THSD7A: variants seen among roughly 807,000 people sequenced by gnomAD.
The protein encoded by THSD7A is thrombospondin type 1 domain containing 7A, also known as thrombospondin type-1 domain-containing protein 7A.
Under a neutral mutation model 231.3 loss-of-function variants are expected in THSD7A, and 96 were observed. That is an observed-to-expected ratio of 0.41 (90% confidence interval 0.35 to 0.49). THSD7A has a LOEUF of 0.49. Among genes scored for constraint, THSD7A ranks in the 20% least tolerant of loss-of-function variants. THSD7A has a pLI of 0.05. For missense variants in THSD7A, 2,290 were observed against 2,070.2 expected, an observed-to-expected ratio of 1.11 and a Z score of -2.06; for synonymous variants, 940 against 743.3, an observed-to-expected ratio of 1.26 and a Z score of -4.30.
At chr7:11,829,820 G>T (rs1429785897) in intron 1 of THSD7A, among the ~76,000 whole-genome samples, 4 of 149,466 alleles carry the variant, frequency 2.7e-5, no homozygotes, top group African/African-American at 7.4e-5. Context: ...AAAAAATAAA[G>T]AAGTCATTAT....
At chr7:11,627,455 T>C (rs1781510641) in intron 2 of THSD7A, among the ~76,000 whole-genome samples, 2 of 152,110 alleles carry the variant, frequency 1.3e-5, no homozygotes, top group Non-Finnish European at 2.9e-5. Flanking sequence ...CCTTTCATAA[T>C]ATAACACACA....
chr7:11,782,649 A>G (rs1378201757), intron 1 of THSD7A, among the ~76,000 whole-genome samples: 1 of 152,178 alleles, frequency 6.6e-6, no homozygotes, highest in South Asian at 2.1e-4. Flanking sequence ...AAACTGTTTT[A>G]ATATTACCTT....
rs75028730 is a variant in THSD7A, at chr7:11,541,573, G to A, written c.1668C>T (p.Thr556=). 1.1e-5 allele frequency: 18 copies of A among 1,613,940 alleles called. No individual in the cohort carries two copies. Among genetic ancestry groups the A allele is most frequent in the East Asian group, 6.7e-5 (3 of 44,872 alleles). ...CTTCCAGTAAGTGAGGGCAGTTTCC[G>A]GTTACCCCAGAGCCTCCAGTGGGCT... is the stretch of plus-strand genomic sequence containing the variant. ...TNEPTGGSGV[T]GNCPHLLEAI... The change falls in exon 6 of 28, where the codon ACC becomes ACT. Residue 556 remains threonine, a synonymous_variant. Coordinates refer to ENST00000423059, the MANE Select transcript of THSD7A (RefSeq NM_015204.3).
intron 1 of THSD7A, among the ~76,000 whole-genome samples, chr7:11,694,140 C>T (rs1780317935): frequency 6.6e-6 from 1 of 151,520 alleles, no homozygotes; most frequent in Non-Finnish European, 1.5e-5. Flanking sequence ...CCCAGAGTCT[C>T]ATTTTGTTGC....
rs572687138 is a variant in THSD7A at position 11,683,227 on chromosome 7, A to C, written c.191-46266T>G. 3.9e-5 allele frequency among the ~76,000 whole-genome samples: 6 copies of C among 152,150 alleles called. 1 individual carries two copies. Among genetic ancestry groups the C allele is most frequent in the African/African-American group, 1.4e-4 (6 of 41,556 alleles). Reference sequence around the variant, plus strand: ...GAGCTCTTAAAAACCACACAAATACATGGAAACGAAACAACTTGCTCCTAA... The same window carrying C: ...GAGCTCTTAAAAACCACACAAATACCTGGAAACGAAACAACTTGCTCCTAA... On this transcript the variant is annotated intron_variant, in intron 1 of 27. Coordinates refer to ENST00000423059, the MANE Select transcript of THSD7A (RefSeq NM_015204.3).
At chr7:11,568,637 A>C (rs1281758692) in intron 4 of THSD7A, among the ~76,000 whole-genome samples, 1 of 145,266 alleles carries the variant, frequency 6.9e-6, no homozygotes, top group Non-Finnish European at 1.5e-5. Context: ...AAAAAAAAAA[A>C]AAAAAAAAAA....
Position 11,808,649 on chromosome 7 carries a change from T to C in THSD7A, c.190+23108A>G, listed in dbSNP as rs145642390. On this transcript the variant is annotated intron_variant, in intron 1 of 27. Transcript: ENST00000423059. ...GAGATTTGTTGTGTTAGCAAAGGTTTTAAAACTGTTATGCCCGGTTTGGTC... is the reference window on the plus strand; with the variant it reads ...GAGATTTGTTGTGTTAGCAAAGGTTCTAAAACTGTTATGCCCGGTTTGGTC... Among the ~76,000 whole-genome samples the C allele has an allele frequency of 6.9e-3, 1,048 of 152,286 alleles. 7 individuals are homozygous for C. Among genetic ancestry groups the C allele is most frequent in the African/African-American group, 0.024 (985 of 41,558 alleles).
At chr7:11,528,845 T>A (rs12699201) in intron 6 of THSD7A, among the ~76,000 whole-genome samples, 38,688 of 151,434 alleles carry the variant, frequency 0.26, 6,167 homozygotes, top group Non-Finnish European at 0.36. Flanking sequence ...TCCTGGTGAC[T>A]TTTTTTTTGA....
Position 11,375,758 on chromosome 7 carries a change from A to T in THSD7A, c.*36T>A, listed in dbSNP as rs1268876785. On this transcript the variant is annotated 3_prime_UTR_variant, in exon 28 of 28. Coordinates refer to ENST00000423059, the MANE Select transcript of THSD7A (RefSeq NM_015204.3). Reference sequence around the variant, plus strand: ...GCCTCTGGACATCTATGAAGTCAGAAAGCCGAAACTGGTTGTTGCCAGGAA... The same window carrying T: ...GCCTCTGGACATCTATGAAGTCAGATAGCCGAAACTGGTTGTTGCCAGGAA... 6.3e-7 allele frequency: 1 copy of T among 1,585,642 alleles called. No homozygotes were observed. The highest frequency in any genetic ancestry group is 8.6e-7 in the Non-Finnish European group (1 of 1,156,328).
At chr7:11,574,826 C>G (rs1790817594) in intron 4 of THSD7A, among the ~76,000 whole-genome samples, 1 of 152,090 alleles carries the variant, frequency 6.6e-6, no homozygotes, top group Non-Finnish European at 1.5e-5. Flanking sequence ...GACTGAATCA[C>G]TATTTAAAAG....
chr7:11,805,378 G>T (rs1317236798), intron 1 of THSD7A, among the ~76,000 whole-genome samples: 1 of 151,964 alleles, frequency 6.6e-6, no homozygotes, highest in Non-Finnish European at 1.5e-5. Context: ...TTTAGTTGTG[G>T]CTGTAATTCT....
At chr7:11,758,541 C>A (rs576354472) in intron 1 of THSD7A, among the ~76,000 whole-genome samples, 1 of 151,854 alleles carries the variant, frequency 6.6e-6, no homozygotes, top group East Asian at 1.9e-4. Flanking sequence ...ATGACAAAAC[C>A]CCAAAGCAGC....
intron 2 of THSD7A, among the ~76,000 whole-genome samples, chr7:11,628,101 T>C (rs1177166913): frequency 1.3e-5 from 2 of 152,188 alleles, no homozygotes; most frequent in African/African-American, 2.4e-5. Context: ...AATATACTTT[T>C]ATAATAGCAA....
intron 1 of THSD7A, among the ~76,000 whole-genome samples, chr7:11,680,068 C>A (rs1211221653): frequency 1.5e-4 from 22 of 145,246 alleles, no homozygotes; most frequent in Non-Finnish European, 2.7e-4. Context: ...TGATCTTTGA[C>A]AAAACTGACA....
intron 17 of THSD7A, among the ~76,000 whole-genome samples, chr7:11,416,129 A>C (rs1410960371): frequency 6.6e-6 from 1 of 152,172 alleles, no homozygotes; most frequent in Non-Finnish European, 1.5e-5. Context: ...CTATCCAAAC[A>C]TTCCTATTGG....
At chr7:11,609,546 C>G (rs1204337269) in intron 2 of THSD7A, among the ~76,000 whole-genome samples, 1 of 152,096 alleles carries the variant, frequency 6.6e-6, no homozygotes, top group Non-Finnish European at 1.5e-5. Context: ...GGCAATTCTG[C>G]TTCACATGAA....
At chr7:11,427,688 T>C (rs1259863736) in intron 14 of THSD7A, among the ~76,000 whole-genome samples, 1 of 152,178 alleles carries the variant, frequency 6.6e-6, no homozygotes, top group African/African-American at 2.4e-5. Context: ...CTACTGAAAA[T>C]TCAAGGTTTC....
chr7:11,474,465 G>A lies in THSD7A; in HGVS notation c.2121C>T (p.Cys707=). The part of the protein sequence containing the change: ...YHWQTGPWGQ[C]IEDTSVSSFN... ...AGGACGATACTGAGGTGTCCTCAAT[G>A]CACTGGCCCCAGGGACCAGTTTGCC... Residue 707 remains cysteine (C), a synonymous_variant, in exon 8 of 28, where the codon TGC becomes TGT. Coordinates refer to ENST00000423059, the MANE Select transcript of THSD7A (RefSeq NM_015204.3). The surrounding 1 kb of genome is among the most constrained non-coding windows in gnomAD (Gnocchi z 4.1). 1 of 1,613,514 alleles carries A rather than the reference G, an allele frequency of 6.2e-7. No homozygotes were observed. The highest frequency in any genetic ancestry group is 8.5e-7 in the Non-Finnish European group (1 of 1,179,588).
intron 1 of THSD7A, among the ~76,000 whole-genome samples, chr7:11,704,535 G>T (rs965579246): frequency 6.6e-6 from 1 of 150,750 alleles, no homozygotes; most frequent in South Asian, 2.1e-4. Context: ...GAGACTCTTT[G>T]GAGTCTGTGT....
Sources: allele counts gnomAD v4.1 joint callset (sites outside exome capture counted in the v4.1 genomes callset), GRCh38; gene constraint gnomAD v4.1.1; non-coding constraint Gnocchi (gnomAD v3.1); transcripts MANE v1.5; gene names NCBI Gene and HGNC (gene_info 2026-07-23, HGNC 2026-07-21).